TENM3: variants seen among roughly 807,000 people sequenced by gnomAD.
TENM3 encodes the protein teneurin transmembrane protein 3.
A neutral mutation model predicts 255.1 loss-of-function variants in TENM3; 63 were observed. The ratio of observed to expected loss-of-function variants is 0.25; its 90% CI spans 0.20 to 0.30. The LOEUF is 0.30. TENM3 is among the 10% of genes least tolerant of loss of function. TENM3 has a pLI of 1.00. For missense variants in TENM3, 2,929 were observed against 3,461.1 expected, an observed-to-expected ratio of 0.85 and a Z score of 3.86; for synonymous variants, 1,306 against 1,322.3, an observed-to-expected ratio of 0.99 and a Z score of 0.27.
intron 1 of TENM3, among the ~76,000 whole-genome samples, chr4:182,272,525 A>G (rs913729435): frequency 1.3e-5 from 2 of 152,218 alleles, no homozygotes; most frequent in African/African-American, 2.4e-5. Context: ...ACTACGACAC[A>G]TACATAAGAA....
chr4:182,502,572 CT>C (rs1195761587), intron 3 of TENM3, among the ~76,000 whole-genome samples: 7 of 152,026 alleles, frequency 4.6e-5, no homozygotes, highest in Non-Finnish European at 1.0e-4. Context: ...ACTGAATTTT[CT>C]TTTATTTTGA....
chr4:182,488,823 G>A (rs911059369), intron 3 of TENM3, among the ~76,000 whole-genome samples: 15 of 151,958 alleles, frequency 9.9e-5, no homozygotes, highest in Admixed American at 6.6e-4. Flanking sequence ...AAACCAGAAC[G>A]CATTAGTAAT....
At chr4:181,984,909 T>C in the TENM3 span, among the ~76,000 whole-genome samples, 4 of 150,870 alleles carry the variant, frequency 2.7e-5, no homozygotes, top group Admixed American at 6.6e-5. Context: ...ACTAGAGAAG[T>C]AGGGAAAAGT....
chr4:181,559,275 A>G, the TENM3 span, among the ~76,000 whole-genome samples: 1 of 152,208 alleles, frequency 6.6e-6, no homozygotes, highest in South Asian at 2.1e-4. Flanking sequence ...GAGACCAGGA[A>G]GAAAAGTTAC....
chr4:181,809,472 C>A, the TENM3 span, among the ~76,000 whole-genome samples: 2 of 152,100 alleles, frequency 1.3e-5, no homozygotes, highest in African/African-American at 4.8e-5. Context: ...GTTTGTGGCT[C>A]GTTGGTTCGA....
At chr4:181,900,719 AAAG>A in the TENM3 span, among the ~76,000 whole-genome samples, 1 of 152,226 alleles carries the variant, frequency 6.6e-6, no homozygotes, top group Non-Finnish European at 1.5e-5. Context: ...GAAGTGCAAC[AAAG>A]AATAGGCTTC....
chr4:181,562,146 CTTAA>C, the TENM3 span, among the ~76,000 whole-genome samples: 26 of 151,992 alleles, frequency 1.7e-4, no homozygotes, highest in Non-Finnish European at 2.6e-4. Context: ...TTTTATGTTA[CTTAA>C]TTAGTTTCTT....
chr4:181,902,187 C>CAA, the TENM3 span, among the ~76,000 whole-genome samples: 30,880 of 143,830 alleles, frequency 0.21, 3,499 homozygotes, highest in South Asian at 0.33. Context: ...TTAAAAGAGC[C>CAA]AAAAAAAAAA....
chr4:182,565,161 G>A (rs1240956323), intron 3 of TENM3, among the ~76,000 whole-genome samples: 1 of 152,180 alleles, frequency 6.6e-6, no homozygotes, highest in African/African-American at 2.4e-5. Flanking sequence ...TAATGGAACA[G>A]GGTTGAATTA....
the TENM3 span, among the ~76,000 whole-genome samples, chr4:181,764,407 G>A: frequency 6.6e-6 from 1 of 152,130 alleles, no homozygotes; most frequent in South Asian, 2.1e-4. Context: ...AATTTTGTAA[G>A]CAATAGTGAT....
At chr4:181,677,043 A>G in the TENM3 span, among the ~76,000 whole-genome samples, 239 of 135,510 alleles carry the variant, frequency 1.8e-3, 1 homozygote, top group Non-Finnish European at 2.6e-3. Context: ...TCTCAGATTC[A>G]TCTCAGATTC....
intron 3 of TENM3, among the ~76,000 whole-genome samples, chr4:182,369,501 A>G (rs1048693447): frequency 6.6e-6 from 1 of 152,184 alleles, no homozygotes; most frequent in African/African-American, 2.4e-5. Flanking sequence ...GAGCTTTTTC[A>G]ACTTAAATGT....
At chr4:182,518,387 C>T (rs1340101589) in intron 3 of TENM3, among the ~76,000 whole-genome samples, 1 of 151,982 alleles carries the variant, frequency 6.6e-6, no homozygotes, top group Non-Finnish European at 1.5e-5. Flanking sequence ...GGTTTGTAAG[C>T]ATAATTAAGG....
intron 3 of TENM3, among the ~76,000 whole-genome samples, chr4:182,491,413 T>C (rs1735286555): frequency 7.9e-6 from 1 of 126,656 alleles, no homozygotes; most frequent in African/African-American, 2.9e-5. Flanking sequence ...GTGTCTTTTG[T>C]AGAAAAGTTA....
intron 24 of TENM3, among the ~76,000 whole-genome samples, chr4:182,775,613 C>G (rs1764629386): frequency 6.6e-6 from 1 of 152,174 alleles, no homozygotes; most frequent in Admixed American, 6.5e-5. Flanking sequence ...AAACGCAAGG[C>G]TAGTTCACAG....
intron 1 of TENM3, among the ~76,000 whole-genome samples, chr4:182,190,788 C>T (rs1390958029): frequency 6.6e-6 from 1 of 152,090 alleles, no homozygotes; most frequent in Non-Finnish European, 1.5e-5. Context: ...CAAAGAAACA[C>T]ATTGAAAATG....
intron 24 of TENM3, among the ~76,000 whole-genome samples, chr4:182,776,151 G>T (rs191343396): frequency 2.0e-5 from 3 of 152,126 alleles, no homozygotes; most frequent in African/African-American, 7.2e-5. Flanking sequence ...GGTGGTTCAC[G>T]CCTGTAATCC....
rs1322671497 is a variant in TENM3, at chr4:182,792,310, A to G, written c.5638A>G (p.Ile1880Val). 5.6e-6 allele frequency: 9 copies of G among 1,613,936 alleles called. No individual in the cohort carries two copies. Among genetic ancestry groups the G allele is most frequent in the South Asian group, 1.1e-5 (1 of 91,078 alleles). The change falls in exon 26 of 28, where the codon ATC becomes GTC. Residue 1880 changes from isoleucine to valine, a missense_variant. By Grantham distance (29) the Ile-to-Val change is conservative (BLOSUM62 3). Around this residue, in one of 6 missense-constraint regions of TENM3, gnomAD observed 303 missense variants for 425.2 expected, o/e 0.71. Transcript: ENST00000511685. The surrounding 1 kb of genome is among the most constrained non-coding windows in gnomAD (Gnocchi z 6.3). Reference sequence around the variant, plus strand: ...TCTGCTTCATAGCCAGCGGCAGTACATCTTCGAATACGATATGTGGGACCG... The same window carrying G: ...TCTGCTTCATAGCCAGCGGCAGTACGTCTTCGAATACGATATGTGGGACCG... ...VLLLHSQRQY[I>V]FEYDMWDRLS...
chr4:182,713,752 G>A (rs948945640), intron 12 of TENM3, among the ~76,000 whole-genome samples: 3 of 152,138 alleles, frequency 2.0e-5, no homozygotes, highest in African/African-American at 7.2e-5. Flanking sequence ...TTATTTTGTT[G>A]AGATGGCTTT....
Sources: gnomAD v4.1 joint callset for allele counts (sites outside exome capture counted in the v4.1 genomes callset) on GRCh38, gnomAD v4.1.1 for gene constraint, gnomAD v4.1.1 regional missense constraint, Gnocchi (gnomAD v3.1) non-coding constraint, MANE v1.5 for transcripts, NCBI Gene and HGNC (gene_info 2026-07-23, HGNC 2026-07-21) for gene names.